TLE4: variants seen among roughly 807,000 people sequenced by gnomAD.
TLE4 encodes the protein TLE family member 4, transcriptional corepressor.
A neutral mutation model predicts 92.8 loss-of-function variants in TLE4; 8 were observed. The ratio of observed to expected loss-of-function variants is 0.09; its 90% confidence interval spans 0.05 to 0.16. The LOEUF is 0.16. Among genes scored for constraint, TLE4 ranks in the 10% least tolerant of loss-of-function variants. The pLI is 1.00. For synonymous variants in TLE4, 371 were observed against 374.1 expected, an observed-to-expected ratio of 0.99 and a Z score of 0.10; for missense variants, 675 against 997.6, an observed-to-expected ratio of 0.68 and a Z score of 4.36.
rs78666383 is a variant in TLE4 at position 79,644,975 on chromosome 9, C to G, written c.391-7618C>G. On this transcript the variant is annotated intron_variant, in intron 6 of 19. Coordinates refer to ENST00000376552, the MANE Select transcript of TLE4 (RefSeq NM_007005.6). ...CTGGCCTGAGAGTCATTATCTGTCTCTAGTCCTTGGCCCCAGAGTGCCCTA... is the reference window on the plus strand; with the variant it reads ...CTGGCCTGAGAGTCATTATCTGTCTGTAGTCCTTGGCCCCAGAGTGCCCTA... 4.4e-3 allele frequency among the ~76,000 whole-genome samples: 664 copies of G among 152,320 alleles called. 4 individuals carry two copies. Among genetic ancestry groups the G allele is most frequent in the African/African-American group, 0.015 (603 of 41,586 alleles).
rs144451160 is a variant in TLE4, at chr9:79,687,446, T to A, written c.610-17337T>A. Among the ~76,000 whole-genome samples, 437 of 152,362 alleles carry A rather than the reference T, an allele frequency of 2.9e-3. 1 individual carries two copies. The highest frequency in any genetic ancestry group is 0.01 in the African/African-American group (418 of 41,590). On this transcript the variant is annotated intron_variant, in intron 8 of 19. Coordinates refer to ENST00000376552, the MANE Select transcript of TLE4 (RefSeq NM_007005.6). ...GACCTCAGAGCTTTTCCTTCTCTAATCTTTTCAGAAAACAAAACAAAATAA... is the reference window on the plus strand; with the variant it reads ...GACCTCAGAGCTTTTCCTTCTCTAAACTTTTCAGAAAACAAAACAAAATAA...
chr9:79,590,774 C>CT (rs2042350313), intron 4 of TLE4, among the ~76,000 whole-genome samples: 1 of 152,118 alleles, frequency 6.6e-6, no homozygotes, highest in Admixed American at 6.5e-5. Context: ...TTGAATCATG[C>CT]TTTTTTGCCA....
chr9:79,636,160 CA>C (rs956001705), intron 6 of TLE4, among the ~76,000 whole-genome samples: 1 of 152,044 alleles, frequency 6.6e-6, no homozygotes, highest in Non-Finnish European at 1.5e-5. Flanking sequence ...CTTAAAGCCA[CA>C]GTGAGTGTGG....
chr9:79,632,411 C>A (rs151306021), intron 6 of TLE4, among the ~76,000 whole-genome samples: 3 of 152,110 alleles, frequency 2.0e-5, no homozygotes, highest in African/African-American at 7.2e-5. Flanking sequence ...TTCATAGGCC[C>A]GTACTCCTGT....
intron 16 of TLE4, among the ~76,000 whole-genome samples, 194 bp downstream of exon 16, chr9:79,720,487 ATAAAT>A (rs781047910): frequency 9.7e-4 from 147 of 152,234 alleles, no homozygotes; most frequent in Middle Eastern, 3.4e-3. Flanking sequence ...GATGTTAAAA[ATAAAT>A]TATCAGTGTG....
At chr9:79,685,650 C>T (rs537307678) in intron 8 of TLE4, among the ~76,000 whole-genome samples, 7 of 152,156 alleles carry the variant, frequency 4.6e-5, no homozygotes, top group Non-Finnish European at 8.8e-5. Context: ...TTTATTATCA[C>T]AAGATAGTCA....
intron 4 of TLE4, among the ~76,000 whole-genome samples, chr9:79,585,991 A>G (rs770632273): frequency 2.6e-5 from 4 of 152,216 alleles, no homozygotes; most frequent in Non-Finnish European, 4.4e-5. Flanking sequence ...CAATTTTCAT[A>G]AAACATGTAA....
At chr9:79,592,141 C>T (rs1456145964) in intron 4 of TLE4, among the ~76,000 whole-genome samples, 1 of 151,064 alleles carries the variant, frequency 6.6e-6, no homozygotes, top group Non-Finnish European at 1.5e-5. Context: ...CTTCTTTCTT[C>T]TTTCTTCTTT....
intron 4 of TLE4, among the ~76,000 whole-genome samples, chr9:79,604,550 A>G (rs145598309): frequency 6.6e-4 from 100 of 152,282 alleles, no homozygotes; most frequent in Non-Finnish European, 1.1e-3. Context: ...TAGAGGCCAT[A>G]TGCTGGAATT....
At chr9:79,638,585 G>GT (rs2133873492) in intron 6 of TLE4, among the ~76,000 whole-genome samples, 1 of 151,736 alleles carries the variant, frequency 6.6e-6, no homozygotes, top group South Asian at 2.1e-4. Context: ...AATGGTGAGA[G>GT]TTTATCTTTG....
chr9:79,612,816 C>T (rs1412643665), intron 5 of TLE4, 98 bp downstream of exon 5: 1 of 996,536 alleles, frequency 1.0e-6, no homozygotes, highest in Non-Finnish European at 1.6e-6. Flanking sequence ...TTGCCAGTCT[C>T]TTGGTGTTTG....
chr9:79,662,651 T>G (rs1288340141), intron 8 of TLE4, among the ~76,000 whole-genome samples: 1 of 152,184 alleles, frequency 6.6e-6, no homozygotes, highest in South Asian at 2.1e-4. Flanking sequence ...GATTTGAGAA[T>G]CTTGCCTCCT....
intron 12 of TLE4, 128 bp from the exon 13 acceptor site, chr9:79,708,465 G>T: frequency 8.7e-7 from 1 of 1,144,592 alleles, no homozygotes; most frequent in Non-Finnish European, 1.2e-6. Flanking sequence ...CTGAAGGCTT[G>T]AATGACTTTT....
rs541854277 is a variant in TLE4 at position 79,573,604 on chromosome 9, C to A, written c.46-85C>A. The A allele has an allele frequency of 3.1e-5, 36 of 1,169,510 alleles. 1 individual carries two copies. In the Admixed American group the frequency reaches 6.5e-4, roughly 21 times the overall value. 72.4% of individuals were successfully genotyped at this position (1,169,510 alleles called of 1,614,324 possible). A position where few individuals can be genotyped will look rare whatever the true frequency, so the allele number is the denominator to read the frequency against. Reference sequence around the variant, plus strand: ...TGCGTGCGCGATGACCCTCACCCCCCGCTAACGCCGCATAGTAGGTTTTCT... The same window carrying A: ...TGCGTGCGCGATGACCCTCACCCCCAGCTAACGCCGCATAGTAGGTTTTCT... On this transcript the variant is annotated intron_variant, in intron 1 of 19. Coordinates refer to ENST00000376552, the MANE Select transcript of TLE4 (RefSeq NM_007005.6).
chr9:79,621,406 A>G (rs1022032789), intron 5 of TLE4, among the ~76,000 whole-genome samples: 1 of 152,196 alleles, frequency 6.6e-6, no homozygotes, highest in Non-Finnish European at 1.5e-5. Flanking sequence ...TGCATTATGC[A>G]TTGTCATATA....
rs572502828 is a variant in TLE4 at position 79,647,696 on chromosome 9, T to C, written c.391-4897T>C. On this transcript the variant is annotated intron_variant, in intron 6 of 19. Coordinates refer to ENST00000376552, the MANE Select transcript of TLE4 (RefSeq NM_007005.6). ...AAGTGTGAGAAATATCTAGGCACTA[T>C]GGGAAATATTTTTTAAATAGCTCTA... Among the ~76,000 whole-genome samples the C allele has an allele frequency of 2.6e-5, 4 of 152,212 alleles. No homozygotes were observed. The South Asian group carries it at 6.2e-4, about 24-fold the overall frequency.
At chr9:79,707,731 T>C (rs2072075242) in intron 11 of TLE4, among the ~76,000 whole-genome samples, 1 of 152,198 alleles carries the variant, frequency 6.6e-6, no homozygotes, top group African/African-American at 2.4e-5. Context: ...TGTTTTCTAA[T>C]GTGACCTGTT....
At chr9:79,703,805 T>C (rs944192002) in intron 8 of TLE4, among the ~76,000 whole-genome samples, 4 of 152,210 alleles carry the variant, frequency 2.6e-5, no homozygotes, top group African/African-American at 9.6e-5. Context: ...CTGCAGGTGG[T>C]GTTTTTCCTG....
At chr9:79,689,260 T>A (rs2066532725) in intron 8 of TLE4, among the ~76,000 whole-genome samples, 1 of 152,020 alleles carries the variant, frequency 6.6e-6, no homozygotes, top group Admixed American at 6.5e-5. Context: ...AAATGACCAG[T>A]AGTAGAACAA....
Sources: gnomAD v4.1 joint callset for allele counts (sites outside exome capture counted in the v4.1 genomes callset) on GRCh38, gnomAD v4.1.1 for gene constraint, MANE v1.5 for transcripts, NCBI Gene and HGNC (gene_info 2026-07-23, HGNC 2026-07-21) for gene names.